CD109: variants seen among roughly 807,000 people sequenced by gnomAD.
The protein encoded by CD109 is CD109 molecule.
Under a neutral mutation model 165.8 loss-of-function variants are expected in CD109, and 149 were observed. The observed-to-expected ratio is 0.90, with a 90% CI of 0.79 to 1.03. The LOEUF (loss-of-function observed/expected upper bound fraction) is 1.03, where lower values mean the gene tolerates loss of function less well. Among genes scored for constraint, CD109 ranks in the 50% least tolerant of loss-of-function variants. The probability of loss-of-function intolerance (pLI) is 0.00; values close to 1 mark genes in which losing one functional copy is unlikely to be tolerated. For synonymous variants in CD109, 585 were observed against 592.1 expected (o/e 0.99, Z 0.18); for missense variants, 1,712 against 1,677.8 (o/e 1.02, Z -0.36).
intron 3 of CD109, among the ~76,000 whole-genome samples, chr6:73,723,960 G>C (rs1247561864): frequency 6.6e-6 from 1 of 152,146 alleles, no homozygotes; most frequent in Non-Finnish European, 1.5e-5. Flanking sequence ...GAGCCTTCTA[G>C]TGTGGAACTC....
At chr6:73,696,133 C>T, upstream of CD109, 1 of 1,326,472 alleles carries the variant, frequency 7.5e-7, no homozygotes, top group Non-Finnish European at 1.0e-6. Flanking sequence ...GAAAAAAAAT[C>T]AGGGAGGAGG....
At chr6:73,762,676 G>C (rs899421270) in intron 8 of CD109, 65 bp from the exon 9 acceptor site, 2 of 1,323,226 alleles carry the variant, frequency 1.5e-6, no homozygotes, top group Non-Finnish European at 2.1e-6. Flanking sequence ...GACTTAGTTT[G>C]AGTTTTATTT....
At chr6:73,744,732 T>C (rs995657843) in intron 5 of CD109, among the ~76,000 whole-genome samples, 1 of 152,222 alleles carries the variant, frequency 6.6e-6, no homozygotes, top group African/African-American at 2.4e-5. Flanking sequence ...GTTCTTTCTC[T>C]ACAGAAGCCA....
At chr6:73,683,057 C>G in the CD109 span, among the ~76,000 whole-genome samples, 8 of 152,300 alleles carry the variant, frequency 5.3e-5, no homozygotes, top group African/African-American at 1.9e-4. Context: ...AGACATTTTC[C>G]CCATTGTCTT....
chr6:73,799,858 ATTT>A (rs567805191), intron 23 of CD109, among the ~76,000 whole-genome samples: 1 of 142,488 alleles, frequency 7.0e-6, no homozygotes, highest in Non-Finnish European at 1.5e-5. Flanking sequence ...TCCCCCCGCA[ATTT>A]TTTTTTTTTT....
chr6:73,790,833 A>G (rs992911084), intron 22 of CD109, among the ~76,000 whole-genome samples: 2 of 152,016 alleles, frequency 1.3e-5, no homozygotes, highest in African/African-American at 4.8e-5. Context: ...TCATCTAGAA[A>G]CACCCTCACA....
chr6:73,806,919 AAC>A lies in CD109; in HGVS notation c.3038_3039del (p.Thr1013IlefsTer5). The A allele has an allele frequency of 1.2e-6, 2 of 1,614,022 alleles. No homozygotes were observed. The highest frequency in any genetic ancestry group is 8.5e-7 in the Non-Finnish European group (1 of 1,179,972). ...IDIDQNVLHR[T>X]YTWLKGHQKS... ...ATATTGATCAGAATGTGTTACACAG[AAC>A]ATACACTTGGCTTAAAGGACATCAG... On this transcript the variant is annotated frameshift_variant, in exon 25 of 33. Coordinates refer to ENST00000287097, the MANE Select transcript of CD109 (RefSeq NM_133493.5). LOFTEE classifies it high-confidence loss of function.
At chr6:73,785,155 A>G (rs1380791723) in intron 19 of CD109, among the ~76,000 whole-genome samples, 1 of 152,252 alleles carries the variant, frequency 6.6e-6, no homozygotes, top group African/African-American at 2.4e-5. Context: ...TTAATAAAGT[A>G]TAGCAATTAT....
chr6:73,716,974 C>T (rs1437568799), intron 2 of CD109, among the ~76,000 whole-genome samples: 2 of 152,126 alleles, frequency 1.3e-5, no homozygotes, highest in African/African-American at 4.8e-5. Flanking sequence ...GAGACAGGGT[C>T]TAGTTTCATT....
At chr6:73,723,080 T>G (rs1278159670) in intron 2 of CD109, 171 bp from the exon 3 acceptor site, 1 of 950,276 alleles carries the variant, frequency 1.1e-6, no homozygotes, top group Non-Finnish European at 1.3e-6. Flanking sequence ...CACAAAGATA[T>G]GTAATAATTT....
the CD109 span, among the ~76,000 whole-genome samples, chr6:73,679,784 G>A: frequency 2.6e-5 from 4 of 152,024 alleles, no homozygotes; most frequent in Non-Finnish European, 5.9e-5. Flanking sequence ...ATAGGCACGA[G>A]CCACCATGCC....
intron 30 of CD109, among the ~76,000 whole-genome samples, chr6:73,816,449 A>G (rs1461900749): frequency 6.6e-6 from 1 of 152,158 alleles, no homozygotes; most frequent in Non-Finnish European, 1.5e-5. Context: ...AGTATGTGTT[A>G]TTATTATCCC....
chr6:73,703,238 G>A (rs1424044100), intron 2 of CD109, among the ~76,000 whole-genome samples: 1 of 152,196 alleles, frequency 6.6e-6, no homozygotes, highest in Admixed American at 6.5e-5. Context: ...TTGATTTTGG[G>A]ATATTGATGC....
chr6:73,803,533 G>C (rs1472017205), intron 24 of CD109, among the ~76,000 whole-genome samples: 1 of 152,098 alleles, frequency 6.6e-6, no homozygotes, highest in Non-Finnish European at 1.5e-5. Context: ...TTTTGTGTGT[G>C]TGTGTGTGTG....
chr6:73,791,152 TA>T (rs1774927148), intron 22 of CD109, among the ~76,000 whole-genome samples: 2 of 58,394 alleles, frequency 3.4e-5, no homozygotes, highest in Admixed American at 3.9e-4. Context: ...TATATATATA[TA>T]TATATATATA....
intron 25 of CD109, among the ~76,000 whole-genome samples, chr6:73,807,569 A>G (rs1305654487): frequency 6.6e-6 from 1 of 152,182 alleles, no homozygotes; most frequent in Non-Finnish European, 1.5e-5. Flanking sequence ...AGGTATGCTG[A>G]CGAGCTTAAG....
intron 1 of CD109, 145 bp from the exon 2 acceptor site, chr6:73,697,255 A>T: frequency 1.6e-6 from 1 of 644,228 alleles, no homozygotes; most frequent in Non-Finnish European, 2.7e-6. Flanking sequence ...TTCAGTTGCC[A>T]AATAGAGCAG....
chr6:73,787,390 A>G lies in CD109; in HGVS notation c.2494A>G (p.Ile832Val), dbSNP rs200131300. 5 of 1,614,116 alleles carry G rather than the reference A, an allele frequency of 3.1e-6. No homozygotes were observed. The East Asian group carries it at 6.7e-5, about 22-fold the overall frequency. The change falls in exon 21 of 33, where the codon ATC becomes GTC. Residue 832 changes from isoleucine to valine, a missense_variant. Physicochemically the swap from Ile to Val is conservative, Grantham distance 29. Transcript: ENST00000287097. ...GCCAACACATCTGGGAGAAATTCCT[A>G]TCACAGTCACAGCTCTTTCACCCAC... ...IRPTHLGEIP[I>V]TVTALSPTAS...
chr6:73,746,416 T>C (rs1772986205), intron 5 of CD109, among the ~76,000 whole-genome samples: 1 of 152,192 alleles, frequency 6.6e-6, no homozygotes, highest in Non-Finnish European at 1.5e-5. Flanking sequence ...AGTACAAACC[T>C]GTAGCTATGC....
Sources: gnomAD v4.1 joint callset for allele counts (sites outside exome capture counted in the v4.1 genomes callset) on GRCh38, gnomAD v4.1.1 for gene constraint, MANE v1.5 for transcripts, NCBI Gene and HGNC (gene_info 2026-07-23, HGNC 2026-07-21) for gene names.